Variants in DLG2 observed in about 807,000 individuals in gnomAD.
The protein encoded by DLG2 is disks large homolog 2.
Under a neutral mutation model 132.5 loss-of-function variants are expected in DLG2, and 45 were observed. That is an observed-to-expected ratio of 0.34 (90% CI 0.27 to 0.44). DLG2 has a LOEUF of 0.44. Among genes scored for constraint, DLG2 ranks in the 20% least tolerant of loss-of-function variants. DLG2 has a pLI of 1.00. For synonymous variants in DLG2, 424 were observed against 419.6 expected (o/e 1.01, Z -0.13); for missense variants, 1,045 against 1,196.9 (o/e 0.87, Z 1.87).
At chr11:83,870,789 G>A (rs572168593) in intron 16 of DLG2, among the ~76,000 whole-genome samples, 115 of 152,202 alleles carry the variant, frequency 7.6e-4, no homozygotes, top group Non-Finnish European at 1.4e-3. Flanking sequence ...CTACCCTAAC[G>A]TCTCTGAGTT....
chr11:84,585,194 T>A (rs889360572), intron 6 of DLG2, among the ~76,000 whole-genome samples: 11 of 152,172 alleles, frequency 7.2e-5, no homozygotes, highest in African/African-American at 2.7e-4. Flanking sequence ...ATTTTTCGTA[T>A]TATATATAAT....
chr11:84,781,398 C>A (rs1440585154), intron 6 of DLG2, among the ~76,000 whole-genome samples: 3 of 152,052 alleles, frequency 2.0e-5, no homozygotes, highest in Admixed American at 1.3e-4. Context: ...TTTAGCACCA[C>A]ATAGGACCTC....
At chr11:85,247,577 T>C (rs553267613) in intron 4 of DLG2, among the ~76,000 whole-genome samples, 1 of 152,042 alleles carries the variant, frequency 6.6e-6, no homozygotes, top group Non-Finnish European at 1.5e-5. Flanking sequence ...AAAAAAATTA[T>C]TCAATTTTCT....
chr11:84,023,387 G>C (rs2154079806), intron 11 of DLG2, among the ~76,000 whole-genome samples: 1 of 152,166 alleles, frequency 6.6e-6, no homozygotes, highest in Non-Finnish European at 1.5e-5. Flanking sequence ...CAAACCTATA[G>C]ATAATGTTGT....
intron 6 of DLG2, among the ~76,000 whole-genome samples, chr11:85,047,486 G>A (rs2154152519): frequency 1.3e-5 from 2 of 151,984 alleles, no homozygotes; most frequent in Middle Eastern, 3.4e-3. Context: ...TTCTAATTCA[G>A]ACTTCATAGC....
intron 3 of DLG2, among the ~76,000 whole-genome samples, chr11:85,486,443 C>A (rs2093431408): frequency 6.6e-6 from 1 of 152,212 alleles, no homozygotes; most frequent in Admixed American, 6.5e-5. Context: ...CCTAAACACA[C>A]TACCAGGGAG....
chr11:84,556,001 T>A (rs557261516), intron 6 of DLG2, among the ~76,000 whole-genome samples: 1 of 152,178 alleles, frequency 6.6e-6, no homozygotes, highest in African/African-American at 2.4e-5. Context: ...TTTCCTACAG[T>A]AGGAAGCATC....
intron 18 of DLG2, among the ~76,000 whole-genome samples, chr11:83,746,666 T>C (rs1317025049): frequency 1.3e-5 from 2 of 152,154 alleles, no homozygotes; most frequent in South Asian, 2.1e-4. Context: ...AAATGGCACA[T>C]GTATACATAT....
intron 4 of DLG2, among the ~76,000 whole-genome samples, chr11:85,170,191 T>C (rs2078740491): frequency 6.6e-6 from 1 of 152,112 alleles, no homozygotes. Context: ...GAAACATGAC[T>C]GGACAAAAAG....
intron 3 of DLG2, among the ~76,000 whole-genome samples, chr11:85,511,498 A>T (rs574176077): frequency 6.6e-6 from 1 of 152,002 alleles, no homozygotes; most frequent in Non-Finnish European, 1.5e-5. Context: ...ACATTTTAAC[A>T]ACTGAACCCA....
chr11:84,513,187 G>C (rs1358721476), intron 7 of DLG2, among the ~76,000 whole-genome samples: 2 of 151,448 alleles, frequency 1.3e-5, no homozygotes, highest in Admixed American at 1.3e-4. Flanking sequence ...AATTGAAGAG[G>C]ACACAAAAAA....
intron 6 of DLG2, among the ~76,000 whole-genome samples, chr11:84,642,019 TACAC>T (rs527784950): frequency 2.8e-5 from 4 of 140,858 alleles, no homozygotes; most frequent in African/African-American, 5.5e-5. Context: ...TATATATATA[TACAC>T]ACACACACAC....
Position 84,058,868 on chromosome 11 carries a change from C to G in DLG2, c.919+447G>C, listed in dbSNP as rs565603773. ...AAATGTCATGTAATATTGGGTACAACACATAAGAATATAACCAAACTTTAA... is the reference window on the plus strand; with the variant it reads ...AAATGTCATGTAATATTGGGTACAAGACATAAGAATATAACCAAACTTTAA... On this transcript the variant is annotated intron_variant, in intron 11 of 27. Coordinates refer to ENST00000376104, the MANE Select transcript of DLG2 (RefSeq NM_001142699.3). Among the ~76,000 whole-genome samples, 4 of 151,998 alleles carry G rather than the reference C, an allele frequency of 2.6e-5. No individual in the cohort carries two copies. The South Asian group carries it at 8.3e-4, about 32-fold the overall frequency.
chr11:84,306,761 T>C (rs2098223690), intron 7 of DLG2, among the ~76,000 whole-genome samples: 1 of 152,198 alleles, frequency 6.6e-6, no homozygotes, highest in Admixed American at 6.5e-5. Context: ...ACTTCCAATC[T>C]TTAACAACAC....
chr11:85,467,139 GT>G (rs1420369496), intron 3 of DLG2, among the ~76,000 whole-genome samples: 1 of 152,172 alleles, frequency 6.6e-6, no homozygotes, highest in African/African-American at 2.4e-5. Context: ...AAGAATGCTT[GT>G]GATTTTTGCA....
At position 83,484,119 on chromosome 11, in the gene DLG2, A is replaced by C. The variant is rs2093344761; in HGVS notation, c.2293+10T>G. Reference sequence around the variant, plus strand: ...GTTGCATGTGACATTATCTTTCAGAATCTACTTACGTTCAGGATCACTGGT... The same window carrying C: ...GTTGCATGTGACATTATCTTTCAGACTCTACTTACGTTCAGGATCACTGGT... On this transcript the variant is annotated intron_variant, in intron 22 of 27. Coordinates refer to ENST00000376104, the MANE Select transcript of DLG2 (RefSeq NM_001142699.3). 6.2e-7 allele frequency: 1 copy of C among 1,607,998 alleles called. No homozygotes were observed. The highest frequency in any genetic ancestry group is 2.2e-5 in the East Asian group (1 of 44,826).
chr11:83,671,004 G>A (rs1054552514), intron 18 of DLG2, among the ~76,000 whole-genome samples: 11 of 152,054 alleles, frequency 7.2e-5, no homozygotes, highest in East Asian at 1.9e-4. Flanking sequence ...CTGTGTACAC[G>A]TACATTTCTT....
At chr11:83,645,151 G>A (rs1017557759) in intron 18 of DLG2, among the ~76,000 whole-genome samples, 6 of 152,134 alleles carry the variant, frequency 3.9e-5, no homozygotes, top group Non-Finnish European at 4.4e-5. Context: ...TGGCCCATGA[G>A]AAAGAGTGGA....
At chr11:83,776,293 C>G (rs1427223709) in intron 18 of DLG2, among the ~76,000 whole-genome samples, 1 of 152,096 alleles carries the variant, frequency 6.6e-6, no homozygotes, top group Non-Finnish European at 1.5e-5. Context: ...CTACTTCTCT[C>G]TACCTATTCT....
Sources: allele counts gnomAD v4.1 joint callset (sites outside exome capture counted in the v4.1 genomes callset), GRCh38; gene constraint gnomAD v4.1.1; transcripts MANE v1.5; gene names NCBI Gene and HGNC (gene_info 2026-07-23, HGNC 2026-07-21).